The following ADGRB3 variants were observed in gnomAD, a reference collection of about 807,000 sequenced individuals.
ADGRB3 encodes adhesion G protein-coupled receptor B3.
Under a neutral mutation model 193.4 loss-of-function variants are expected in ADGRB3, and 37 were observed. That is an observed-to-expected ratio of 0.19 (90% CI 0.15 to 0.25). The LOEUF is 0.25. Among genes scored for constraint, ADGRB3 ranks in the 10% least tolerant of loss-of-function variants. The pLI is 1.00. For synonymous variants in ADGRB3, 690 were observed against 644.2 expected (o/e 1.07, Z -1.08); for missense variants, 1,637 against 1,852.9 (o/e 0.88, Z 2.14).
At chr6:68,939,926 A>G (rs996755268) in intron 5 of ADGRB3, among the ~76,000 whole-genome samples, 1 of 152,194 alleles carries the variant, frequency 6.6e-6, no homozygotes, top group African/African-American at 2.4e-5. Flanking sequence ...TGAATATTAA[A>G]GTCACTTTCC....
intron 3 of ADGRB3, among the ~76,000 whole-genome samples, chr6:68,745,849 A>G (rs768101886): frequency 3.9e-5 from 6 of 152,134 alleles, no homozygotes; most frequent in South Asian, 2.1e-4. Context: ...CCACTTCACA[A>G]TATAACACAG....
At chr6:68,827,622 G>T (rs2127382614) in intron 3 of ADGRB3, among the ~76,000 whole-genome samples, 1 of 152,178 alleles carries the variant, frequency 6.6e-6, no homozygotes, top group Non-Finnish European at 1.5e-5. Flanking sequence ...TAAGTGCCAA[G>T]AGAGCTTAGG....
intron 30 of ADGRB3, among the ~76,000 whole-genome samples, chr6:69,379,695 C>G (rs986518113): frequency 5.3e-5 from 8 of 151,948 alleles, no homozygotes; most frequent in Non-Finnish European, 2.9e-5. Context: ...GAGTTCATGT[C>G]AGAGACATGA....
chr6:69,059,411 C>G, intron 15 of ADGRB3, among the ~76,000 whole-genome samples: 1 of 152,066 alleles, frequency 6.6e-6, no homozygotes, highest in African/African-American at 2.4e-5. Flanking sequence ...TTTATACTCT[C>G]TTTAAGATAT....
chr6:69,014,145 A>G (rs1010478668), intron 12 of ADGRB3, 39 bp downstream of exon 12: 2 of 1,424,706 alleles, frequency 1.4e-6, no homozygotes, highest in African/African-American at 2.9e-5. Context: ...AGTTGGCAAA[A>G]CAAAGTGTAA....
intron 3 of ADGRB3, among the ~76,000 whole-genome samples, chr6:68,897,857 AAAAG>A (rs1766281806): frequency 6.8e-6 from 1 of 146,232 alleles, no homozygotes; most frequent in African/African-American, 2.5e-5. Flanking sequence ...AGAAGAAAAC[AAAAG>A]AAAAAAGAAA....
At chr6:69,257,678 G>T (rs1456337757) in intron 20 of ADGRB3, among the ~76,000 whole-genome samples, 1 of 152,138 alleles carries the variant, frequency 6.6e-6, no homozygotes, top group Non-Finnish European at 1.5e-5. Context: ...TAATTATTTT[G>T]CATTTTGTCT....
rs78107895 is a variant in ADGRB3, at chr6:69,262,510, T to C, written c.2814+23284T>C. Among the ~76,000 whole-genome samples the C allele has an allele frequency of 1.6e-3, 248 of 152,130 alleles. 2 individuals carry two copies. The highest frequency in any genetic ancestry group is 5.7e-3 in the African/African-American group (235 of 41,570). On this transcript the variant is annotated intron_variant, in intron 20 of 31. Coordinates refer to ENST00000370598, the MANE Select transcript of ADGRB3 (RefSeq NM_001704.3). ...CATGACATGTTACTTCCAATTCTCC[T>C]ATGTTTTCAAAAACCTATCATTTAT...
intron 30 of ADGRB3, among the ~76,000 whole-genome samples, chr6:69,374,166 T>G (rs1769764552): frequency 6.6e-6 from 1 of 152,070 alleles, no homozygotes; most frequent in Non-Finnish European, 1.5e-5. Context: ...AGGTGGGAAC[T>G]TTGAGACATT....
chr6:69,133,266 T>C (rs940607340), intron 17 of ADGRB3, among the ~76,000 whole-genome samples: 1 of 152,178 alleles, frequency 6.6e-6, no homozygotes, highest in Non-Finnish European at 1.5e-5. Context: ...GCATGGAATG[T>C]TTTTCCATTT....
intron 17 of ADGRB3, among the ~76,000 whole-genome samples, chr6:69,228,740 T>C (rs1044554793): frequency 6.6e-6 from 1 of 152,194 alleles, no homozygotes; most frequent in African/African-American, 2.4e-5. Context: ...CTTTAAATCT[T>C]CTTATAATTT....
rs528394848 is a variant in ADGRB3 at position 68,770,121 on chromosome 6, C to T, written c.757+130689C>T. On this transcript the variant is annotated intron_variant, in intron 3 of 31. Coordinates refer to ENST00000370598, the MANE Select transcript of ADGRB3 (RefSeq NM_001704.3). ...TTTCTGGTGTTTTATACACAAACCT[C>T]AGTAATTGGATTCTGATACTCCATT... Among the ~76,000 whole-genome samples, 13 of 152,172 alleles carry T rather than the reference C, an allele frequency of 8.5e-5. No homozygotes were observed. In the South Asian group the frequency reaches 2.5e-3, roughly 29 times the overall value.
chr6:69,378,311 T>G (rs978152131), intron 30 of ADGRB3, among the ~76,000 whole-genome samples: 1 of 152,064 alleles, frequency 6.6e-6, no homozygotes, highest in African/African-American at 2.4e-5. Flanking sequence ...AAGACATAAT[T>G]ACAAACCTGA....
chr6:68,839,384 G>A (rs1022873130), intron 3 of ADGRB3, among the ~76,000 whole-genome samples: 4 of 152,160 alleles, frequency 2.6e-5, no homozygotes, highest in Admixed American at 1.3e-4. Flanking sequence ...ACTTCATTAT[G>A]TAGTGTCAAA....
chr6:68,982,130 T>C (rs187757280), intron 10 of ADGRB3, among the ~76,000 whole-genome samples: 89 of 152,216 alleles, frequency 5.8e-4, no homozygotes, highest in African/African-American at 1.9e-3. Context: ...ATGATCTGCC[T>C]GCCTCAGCCT....
chr6:69,174,410 C>A (rs1179926499), intron 17 of ADGRB3, among the ~76,000 whole-genome samples: 1 of 152,168 alleles, frequency 6.6e-6, no homozygotes, highest in South Asian at 2.1e-4. Context: ...GCTACATTCA[C>A]GTTGCTGCAA....
At chr6:69,170,030 T>C (rs1775233088) in intron 17 of ADGRB3, among the ~76,000 whole-genome samples, 1 of 152,088 alleles carries the variant, frequency 6.6e-6, no homozygotes. Context: ...CACTAGTAGT[T>C]CTAAGTACAA....
Position 69,048,252 on chromosome 6 carries a change from G to A in ADGRB3, c.2175G>A (p.Arg725=), listed in dbSNP as rs1402412967. ...LTDINFPMKG[R]KGMVDWARNS... ...ACATCAACTTTCCAATGAAAGGACG[G>A]AAGGGAATGGTTGACTGGGCAAGAA... Residue 725 remains arginine, a synonymous_variant, in exon 14 of 32, where the codon CGG becomes CGA. Transcript: ENST00000370598. 2 of 1,613,686 alleles carry A rather than the reference G, an allele frequency of 1.2e-6. No homozygotes were observed. Among genetic ancestry groups the A allele is most frequent in the South Asian group, 2.2e-5 (2 of 91,070 alleles).
intron 3 of ADGRB3, among the ~76,000 whole-genome samples, chr6:68,832,590 T>C (rs1767976305): frequency 6.6e-6 from 1 of 152,154 alleles, no homozygotes; most frequent in South Asian, 2.1e-4. Context: ...TTTTTCAATG[T>C]ATCTTTTTTA....
Sources: allele counts gnomAD v4.1 joint callset (sites outside exome capture counted in the v4.1 genomes callset), GRCh38; gene constraint gnomAD v4.1.1; transcripts MANE v1.5; gene names NCBI Gene and HGNC (gene_info 2026-07-23, HGNC 2026-07-21).